UNC13C: variants seen among roughly 807,000 people sequenced by gnomAD.
The protein encoded by UNC13C is protein unc-13 homolog C.
UNC13C carries 174 observed loss-of-function variants against 245.4 expected under a neutral mutation model. The observed-to-expected ratio is 0.71, with a 90% CI of 0.63 to 0.80. UNC13C has a LOEUF of 0.80. Among genes scored for constraint, UNC13C ranks in the 30% least tolerant of loss-of-function variants. The pLI, the probability that UNC13C is intolerant of heterozygous loss-of-function variation, is 0.00. For missense variants in UNC13C, 2,829 were observed against 2,602.9 expected (o/e 1.09, Z -1.89); for synonymous variants, 992 against 895.1 (o/e 1.11, Z -1.93).
chr15:53,928,877 G>A, the UNC13C span, among the ~76,000 whole-genome samples: 2 of 152,204 alleles, frequency 1.3e-5, no homozygotes, highest in Non-Finnish European at 2.9e-5. Context: ...TGTTCTTTAT[G>A]TTCTCTTTGG....
At chr15:53,951,518 G>C in the UNC13C span, among the ~76,000 whole-genome samples, 2 of 152,130 alleles carry the variant, frequency 1.3e-5, no homozygotes, top group African/African-American at 2.4e-5. Context: ...TGGTGTAAAC[G>C]GTAAATCACA....
At chr15:54,005,186 G>C (rs1895081125) in intron 1 of UNC13C, among the ~76,000 whole-genome samples, 2 of 152,128 alleles carry the variant, frequency 1.3e-5, no homozygotes, top group African/African-American at 4.8e-5. Flanking sequence ...GGTGAGACTT[G>C]CATTTCAACA....
chr15:54,218,279 C>G (rs1029310798), intron 4 of UNC13C, among the ~76,000 whole-genome samples: 2 of 151,984 alleles, frequency 1.3e-5, no homozygotes, highest in African/African-American at 4.8e-5. Context: ...TTCTCCTCCT[C>G]TTTCTCCCCT....
At chr15:53,878,853 A>C in the UNC13C span, among the ~76,000 whole-genome samples, 1 of 151,780 alleles carries the variant, frequency 6.6e-6, no homozygotes, top group Non-Finnish European at 1.5e-5. Context: ...AACCAAATGA[A>C]CCTCTGAAGC....
chr15:54,586,299 T>G (rs932800717), intron 30 of UNC13C, among the ~76,000 whole-genome samples: 1 of 152,218 alleles, frequency 6.6e-6, no homozygotes, highest in African/African-American at 2.4e-5. Flanking sequence ...ATACTACAGA[T>G]TGGGTAACTT....
chr15:54,561,400 A>G (rs1897294201), intron 29 of UNC13C, among the ~76,000 whole-genome samples: 1 of 152,030 alleles, frequency 6.6e-6, no homozygotes, highest in Non-Finnish European at 1.5e-5. Flanking sequence ...ATCAACCAGT[A>G]TGGACTCGAG....
the UNC13C span, among the ~76,000 whole-genome samples, chr15:53,939,778 A>G: frequency 6.6e-6 from 1 of 151,958 alleles, no homozygotes; most frequent in East Asian, 1.9e-4. Flanking sequence ...CCTTCAATAA[A>G]ATTTGTCATT....
At chr15:54,438,717 A>C (rs1376283077) in intron 19 of UNC13C, among the ~76,000 whole-genome samples, 1 of 151,902 alleles carries the variant, frequency 6.6e-6, no homozygotes, top group Non-Finnish European at 1.5e-5. Context: ...TGGTGAGGAA[A>C]TATTTCTAGA....
chr15:53,976,546 A>G (rs1045588525), upstream of UNC13C, among the ~76,000 whole-genome samples: 1 of 128,390 alleles, frequency 7.8e-6, no homozygotes, highest in African/African-American at 3.0e-5. Flanking sequence ...ATCTTGGCTC[A>G]CTACAACCTC....
At chr15:54,426,542 G>A (rs554161291) in intron 19 of UNC13C, among the ~76,000 whole-genome samples, 2 of 151,560 alleles carry the variant, frequency 1.3e-5, no homozygotes, top group African/African-American at 4.8e-5. Flanking sequence ...TCACAGAAGT[G>A]AGAACTCATA....
At chr15:54,119,047 T>G (rs77338560) in intron 2 of UNC13C, among the ~76,000 whole-genome samples, 60 of 139,882 alleles carry the variant, frequency 4.3e-4, no homozygotes, top group African/African-American at 1.3e-3. Flanking sequence ...CAGTTTTTTG[T>G]TTTTTTTTTT....
intron 19 of UNC13C, among the ~76,000 whole-genome samples, chr15:54,462,339 G>C (rs180736879): frequency 9.2e-5 from 14 of 152,358 alleles, no homozygotes; most frequent in African/African-American, 3.1e-4. Context: ...CTTCGCCTAA[G>C]CGTCCACTGT....
In UNC13C at chr15:54,415,043, C is replaced by G. The variant is rs765050196; in HGVS notation, c.4909C>G (p.Leu1637Val). ...SAEIMWTLFA[L>V]DMKYALEEHE... is the part of the protein sequence containing the mutation. ...CGAAATTATGTGGACTCTTTTTGCTCTGGATATGAAATATGCATTAGAAGG... is the reference window on the plus strand; with the variant it reads ...CGAAATTATGTGGACTCTTTTTGCTGTGGATATGAAATATGCATTAGAAGG... Residue 1637 changes from leucine to valine, a missense_variant, in exon 19 of 33, where the codon CTG (leucine) becomes GTG (valine). Coordinates refer to ENST00000260323, the MANE Select transcript of UNC13C (RefSeq NM_001080534.3). 4 of 1,611,586 alleles carry G rather than the reference C, an allele frequency of 2.5e-6. No individual in the cohort carries two copies. Among genetic ancestry groups the G allele is most frequent in the East Asian group, 2.2e-5 (1 of 44,704 alleles).
At chr15:54,545,853 C>A (rs1353367158) in intron 26 of UNC13C, among the ~76,000 whole-genome samples, 1 of 152,094 alleles carries the variant, frequency 6.6e-6, no homozygotes, top group Admixed American at 6.6e-5. Flanking sequence ...GAAATAGGAA[C>A]ACTTTTAAAC....
At chr15:54,275,691 T>C (rs1169216609) in intron 10 of UNC13C, among the ~76,000 whole-genome samples, 1 of 152,142 alleles carries the variant, frequency 6.6e-6, no homozygotes, top group Admixed American at 6.5e-5. Context: ...TTGGTGAGAA[T>C]TCTCATAGAA....
At chr15:54,257,149 GA>G (rs769640648) in intron 8 of UNC13C, among the ~76,000 whole-genome samples, 9 of 152,028 alleles carry the variant, frequency 5.9e-5, no homozygotes, top group Admixed American at 2.6e-4. Context: ...GTATTTTTTT[GA>G]AAAGTATATG....
At chr15:53,923,936 G>T in the UNC13C span, among the ~76,000 whole-genome samples, 1 of 152,376 alleles carries the variant, frequency 6.6e-6, no homozygotes, top group South Asian at 2.1e-4. Flanking sequence ...GCTGGGCGCG[G>T]TGGCTCGCGC....
intron 25 of UNC13C, among the ~76,000 whole-genome samples, chr15:54,526,012 C>G (rs1360065650): frequency 6.6e-6 from 1 of 152,060 alleles, no homozygotes; most frequent in Non-Finnish European, 1.5e-5. Context: ...AAGAGAAAAA[C>G]TTCACATATA....
intron 19 of UNC13C, among the ~76,000 whole-genome samples, chr15:54,470,453 C>A (rs1224393969): frequency 1.3e-5 from 2 of 151,418 alleles, no homozygotes; most frequent in African/African-American, 4.8e-5. Context: ...TTTGCTATTT[C>A]TTTGTGATTC....
Sources: gnomAD v4.1 joint callset for allele counts (sites outside exome capture counted in the v4.1 genomes callset) on GRCh38, gnomAD v4.1.1 for gene constraint, MANE v1.5 for transcripts, NCBI Gene and HGNC (gene_info 2026-07-23, HGNC 2026-07-21) for gene names.